ZNF30: variants seen among roughly 807,000 people sequenced by gnomAD.
The protein encoded by ZNF30 is zinc finger protein 30 (KOX 28).
A neutral mutation model predicts 13.2 loss-of-function variants in ZNF30; 15 were observed. The observed-to-expected ratio is 1.13, with a 90% confidence interval of 0.76 to 1.75. The LOEUF (loss-of-function observed/expected upper bound fraction) is 1.75. Ranked by LOEUF, ZNF30 falls within the 40% of genes most tolerant of loss-of-function variation. The pLI, the probability that ZNF30 is intolerant of heterozygous loss-of-function variation, is 0.00. For missense variants in ZNF30, 726 were observed against 757.0 expected (o/e 0.96, Z 0.48); for synonymous variants, 223 against 256.6 (o/e 0.87, Z 1.25).
intron 4 of ZNF30, 112 bp downstream of exon 4, chr19:34,933,835 C>T (rs2546002): frequency 0.36 from 247,542 of 679,144 alleles, 48,880 homozygotes; most frequent in African/African-American, 0.65. Context: ...AGCCCTAGGG[C>T]CTGGGTGGAA....
At chr19:34,942,729 G>A (rs2013110070) in intron 4 of ZNF30, 1 of 798,282 alleles carries the variant, frequency 1.3e-6, no homozygotes, top group African/African-American at 1.8e-5. Context: ...AGGTCAGTAT[G>A]GGACAGAGGG....
chr19:34,926,866 G>A (rs948318698), upstream of ZNF30: 1 of 397,622 alleles, frequency 2.5e-6, no homozygotes. Flanking sequence ...TCAGCCGGAC[G>A]GGAGCGCCCA....
intron 4 of ZNF30, among the ~76,000 whole-genome samples, chr19:34,940,708 A>T (rs1600229862): frequency 6.6e-6 from 1 of 150,398 alleles, no homozygotes; most frequent in East Asian, 2.0e-4. Context: ...TATCATATGG[A>T]TTATTTGACA....
Position 34,939,012 on chromosome 19 carries a change from C to T in ZNF30, c.257-4211C>T, listed in dbSNP as rs540190287. Among the ~76,000 whole-genome samples, 6 of 152,196 alleles carry T rather than the reference C, an allele frequency of 3.9e-5. No individual in the cohort carries two copies. The East Asian group carries it at 1.2e-3, about 29-fold the overall frequency. Reference sequence around the variant, plus strand: ...TGGTTTCCAGGGTCCCCACAGAAGACGTGCCATTTAAAAGAGATTCTACAT... The same window carrying T: ...TGGTTTCCAGGGTCCCCACAGAAGATGTGCCATTTAAAAGAGATTCTACAT... On this transcript the variant is annotated intron_variant, in intron 4 of 4. Transcript: ENST00000601142.
intron 4 of ZNF30, 60 bp downstream of exon 4, chr19:34,933,783 G>A: frequency 1.7e-6 from 2 of 1,160,742 alleles, no homozygotes; most frequent in South Asian, 1.3e-5. Context: ...CAGCTGTCAG[G>A]GAGGAAGTGC....
intron 4 of ZNF30, among the ~76,000 whole-genome samples, chr19:34,942,180 C>T (rs572984686): frequency 6.6e-6 from 1 of 152,142 alleles, no homozygotes; most frequent in Non-Finnish European, 1.5e-5. Context: ...CATTGGCTCA[C>T]ACCTGTAATC....
upstream of ZNF30, among the ~76,000 whole-genome samples, chr19:34,924,280 C>CA (rs529509272): frequency 1.2e-3 from 180 of 146,286 alleles, no homozygotes; most frequent in African/African-American, 2.5e-3. Flanking sequence ...AAAATTTTCT[C>CA]AAAAAAAAAA....
Position 34,933,737 on chromosome 19 carries a change from TGGCAGGTAGGGA to T in ZNF30, c.256+18_256+29del. ...GATGGTGCACAGGTGAGTAAGAGCA[TGGCAGGTAGGGA>T]GGCCATTGTTGCTGGAAACAGCCCA... On this transcript the variant is annotated intron_variant, in intron 4 of 4. Transcript: ENST00000601142. The T allele has an allele frequency of 6.5e-7, 1 of 1,547,060 alleles. No individual in the cohort carries two copies. The highest frequency in any genetic ancestry group is 1.2e-5 in the South Asian group (1 of 84,682).
intron 4 of ZNF30, among the ~76,000 whole-genome samples, chr19:34,941,530 G>A (rs187395902): frequency 1.3e-5 from 2 of 152,304 alleles, no homozygotes; most frequent in African/African-American, 4.8e-5. Context: ...CAAAGTGCTG[G>A]GATTACAGGC....
At chr19:34,929,386 C>T (rs1328560379) in intron 1 of ZNF30, among the ~76,000 whole-genome samples, 1 of 152,226 alleles carries the variant, frequency 6.6e-6, no homozygotes, top group Admixed American at 6.5e-5. Flanking sequence ...TCAGGACAAC[C>T]ACATGTTGGA....
At chr19:34,930,059 C>T (rs764656837) in intron 2 of ZNF30, 103 bp downstream of exon 2, 8 of 1,178,036 alleles carry the variant, frequency 6.8e-6, no homozygotes, top group Non-Finnish European at 8.6e-6. Context: ...CATCTAATTG[C>T]CTACTTGATT....
At chr19:34,928,252 T>G (rs201249078) in intron 1 of ZNF30, among the ~76,000 whole-genome samples, 5,492 of 56,050 alleles carry the variant, frequency 0.098, 197 homozygotes, top group African/African-American at 0.19. Context: ...TATATATATA[T>G]ATAGATAGAT....
At chr19:34,938,850 A>G (rs7255172) in intron 4 of ZNF30, among the ~76,000 whole-genome samples, 2,887 of 152,262 alleles carry the variant, frequency 0.019, 99 homozygotes, top group African/African-American at 0.066. Context: ...TAGTTCACGC[A>G]GGATACACTC....
At chr19:34,934,913 C>T (rs2012642489) in intron 4 of ZNF30, among the ~76,000 whole-genome samples, 1 of 152,044 alleles carries the variant, frequency 6.6e-6, no homozygotes, top group Admixed American at 6.6e-5. Flanking sequence ...ACACATATCC[C>T]AGAACTTAAA....
chr19:34,929,651 G>A (rs2012331496), intron 1 of ZNF30, among the ~76,000 whole-genome samples: 1 of 152,156 alleles, frequency 6.6e-6, no homozygotes, highest in Non-Finnish European at 1.5e-5. Context: ...TCCCAAAATG[G>A]GGGCCTGGTG....
chr19:34,930,652 G>A (rs1024456882), intron 2 of ZNF30, among the ~76,000 whole-genome samples: 2 of 152,262 alleles, frequency 1.3e-5, no homozygotes, highest in East Asian at 1.9e-4. Context: ...GAGCCCAGGA[G>A]TTCAAGACCA....
intron 4 of ZNF30, among the ~76,000 whole-genome samples, chr19:34,937,057 G>T (rs1225326935): frequency 6.6e-6 from 1 of 151,826 alleles, no homozygotes; most frequent in East Asian, 2.0e-4. Flanking sequence ...TGTTGCCCAG[G>T]CTGGAGTGCA....
upstream of ZNF30, among the ~76,000 whole-genome samples, chr19:34,925,160 T>C (rs2012019926): frequency 6.6e-6 from 1 of 151,536 alleles, no homozygotes; most frequent in Non-Finnish European, 1.5e-5. Flanking sequence ...GGTGAATGTT[T>C]ATAGCTGAAG....
chr19:34,940,030 T>C (rs1002662399), intron 4 of ZNF30, among the ~76,000 whole-genome samples: 2 of 152,236 alleles, frequency 1.3e-5, no homozygotes, highest in Non-Finnish European at 2.9e-5. Context: ...TCTTTGTTCT[T>C]TTGAAGGCCT....
Sources: allele counts gnomAD v4.1 joint callset (sites outside exome capture counted in the v4.1 genomes callset), GRCh38; gene constraint gnomAD v4.1.1; transcripts MANE v1.5; gene names NCBI Gene and HGNC (gene_info 2026-07-23, HGNC 2026-07-21).